The following MCF2L variants were observed in gnomAD, a reference collection of about 807,000 sequenced individuals.
MCF2L encodes MCF.2 cell line derived transforming sequence like.
In MCF2L, 97 loss-of-function variants were observed where a neutral mutation model predicts 153.4. The ratio of observed to expected loss-of-function variants is 0.63; its 90% CI spans 0.54 to 0.75. The LOEUF (loss-of-function observed/expected upper bound fraction) is 0.75. Ranked by LOEUF, MCF2L falls within the 30% of genes least tolerant of loss-of-function variation. MCF2L has a pLI of 0.00. For missense variants in MCF2L, 1,347 were observed against 1,495.2 expected (o/e 0.90, Z 1.64); for synonymous variants, 659 against 632.2 (o/e 1.04, Z -0.64).
chr13:112,988,334 T>C (rs1040516061), intron 1 of MCF2L, among the ~76,000 whole-genome samples: 2 of 152,030 alleles, frequency 1.3e-5, no homozygotes, highest in African/African-American at 4.8e-5. Context: ...TCTAAAATAG[T>C]GGAAAGGAAA....
chr13:112,991,763 G>A (rs1039392960), intron 1 of MCF2L, among the ~76,000 whole-genome samples: 1 of 152,160 alleles, frequency 6.6e-6, no homozygotes, highest in Admixed American at 6.5e-5. Context: ...TCAGAGCCAG[G>A]AGCCCTTCCC....
In MCF2L at chr13:113,098,395, T is replaced by A. The variant is rs746885333; in HGVS notation, c.*1536T>A. On this transcript the variant is annotated 3_prime_UTR_variant, in exon 30 of 30. Transcript: ENST00000535094. ...CGGTGCCTCCGTCTCGTCGCACAGC[T>A]GCGCGCCCTTGTGTGACCCTCCCCA... 1.3e-5 allele frequency: 2 copies of A among 152,538 alleles called. No homozygotes were observed. The highest frequency in any genetic ancestry group is 2.9e-5 in the Non-Finnish European group (2 of 68,050). 9.4% of individuals were successfully genotyped at this position (152,538 alleles called of 1,614,324 possible).
chr13:113,064,844 G>A lies in MCF2L; in HGVS notation c.607-92G>A. On this transcript the variant is annotated intron_variant, in intron 6 of 29. Transcript: ENST00000535094. The surrounding 1 kb of genome is among the most constrained non-coding windows in gnomAD (Gnocchi z 6.0). ...AGCCGGTCTCACCTGATGGGTCTGT[G>A]TGGGAACGGTTTCCGCCGGTGTCTG... The A allele has an allele frequency of 6.9e-7, 1 of 1,457,578 alleles. No homozygotes were observed. The highest frequency in any genetic ancestry group is 9.3e-7 in the Non-Finnish European group (1 of 1,070,308). 90.3% of individuals were successfully genotyped at this position (1,457,578 alleles called of 1,614,324 possible).
chr13:112,961,440 G>A (rs1483535405), intron 2 of MCF2L, among the ~76,000 whole-genome samples: 1 of 152,216 alleles, frequency 6.6e-6, no homozygotes, highest in Non-Finnish European at 1.5e-5. Context: ...CGTGCAGCAG[G>A]GCTGGGGGAC....
chr13:113,023,493 G>T (rs536871432), intron 2 of MCF2L, among the ~76,000 whole-genome samples: 23 of 152,268 alleles, frequency 1.5e-4, no homozygotes, highest in African/African-American at 1.9e-4. Flanking sequence ...TGTGGGGGGC[G>T]CAAGGCGGCG....
rs941090402 is a variant in MCF2L at position 112,969,756 on chromosome 13, G to T, written c.79+298G>T. On this transcript the variant is annotated intron_variant, in intron 1 of 29. Transcript: ENST00000535094. The surrounding 1 kb of genome is among the most constrained non-coding windows in gnomAD (Gnocchi z 4.8). ...AGTCTGCCCATCAACCTGCCTGTCC[G>T]CAGCCCTCGCAATGGAGAATGCATT... Among the ~76,000 whole-genome samples the T allele has an allele frequency of 1.3e-5, 2 of 152,138 alleles. No individual in the cohort carries two copies. The highest frequency in any genetic ancestry group is 2.9e-5 in the Non-Finnish European group (2 of 68,038).
intron 2 of MCF2L, among the ~76,000 whole-genome samples, chr13:113,022,799 C>G (rs191389713): frequency 1.4e-3 from 219 of 152,356 alleles, no homozygotes; most frequent in African/African-American, 4.5e-3. Context: ...GGAGGCTTGT[C>G]GTACTCGCAC....
At position 112,999,656 on chromosome 13, in the gene MCF2L, A is replaced by G. The variant is rs964853941; in HGVS notation, c.80-15107A>G. ...CTGCAGGCCTTGAGCACATTGTGGGAGAGGGGGTGTTTGGTACATGTGTCC... is the reference window on the plus strand; with the variant it reads ...CTGCAGGCCTTGAGCACATTGTGGGGGAGGGGGTGTTTGGTACATGTGTCC... On this transcript the variant is annotated intron_variant, in intron 1 of 29. Transcript: ENST00000535094. Among the ~76,000 whole-genome samples the G allele has an allele frequency of 2.6e-5, 4 of 151,850 alleles. 1 individual carries two copies. Among genetic ancestry groups the G allele is most frequent in the Non-Finnish European group, 4.4e-5 (3 of 67,992 alleles).
chr13:112,913,359 C>T (rs950614089), intron 2 of MCF2L, among the ~76,000 whole-genome samples: 13 of 151,970 alleles, frequency 8.6e-5, no homozygotes, highest in African/African-American at 2.7e-4. Context: ...AAACCCAGAA[C>T]AGAACATTAT....
chr13:113,079,877 C>T (rs1390154336), intron 15 of MCF2L, among the ~76,000 whole-genome samples: 25 of 80,640 alleles, frequency 3.1e-4, no homozygotes, highest in African/African-American at 1.1e-3. Flanking sequence ...AGAGGGGCAT[C>T]CGCACAGAGG....
chr13:112,974,850 C>T (rs1333480030), intron 1 of MCF2L, among the ~76,000 whole-genome samples: 1 of 152,226 alleles, frequency 6.6e-6, no homozygotes, highest in Non-Finnish European at 1.5e-5. Flanking sequence ...TCTACTGACT[C>T]ATAATTTAAC....
chr13:112,975,830 TG>T (rs2082195124), intron 1 of MCF2L, among the ~76,000 whole-genome samples: 1 of 152,344 alleles, frequency 6.6e-6, no homozygotes, highest in African/African-American at 2.4e-5. Context: ...GTGACATCCG[TG>T]GTCACTGTTC....
intron 1 of MCF2L, among the ~76,000 whole-genome samples, chr13:112,900,669 T>TG (rs2081111074): frequency 6.6e-6 from 1 of 151,772 alleles, no homozygotes; most frequent in African/African-American, 2.4e-5. Context: ...GCCTCTGCTG[T>TG]GAGGGGCATG....
intron 17 of MCF2L, 128 bp from the exon 18 acceptor site, chr13:113,083,870 A>G (rs895590159): frequency 2.7e-6 from 2 of 748,138 alleles, no homozygotes; most frequent in Admixed American, 1.9e-5. Context: ...CGGCGTCTCC[A>G]AGTCATGCGG....
chr13:112,901,688 T>G (rs2081121078), intron 1 of MCF2L, among the ~76,000 whole-genome samples: 1 of 152,266 alleles, frequency 6.6e-6, no homozygotes, highest in Non-Finnish European at 1.5e-5. Context: ...TTCGTGTAAG[T>G]TTCTTTGCCA....
Position 113,051,879 on chromosome 13 carries a change from G to A in MCF2L, c.369+6518G>A, listed in dbSNP as rs918098318. The stretch of plus-strand genomic sequence containing the variant: ...CAGGCCCCCACCCACCCCCACGACA[G>A]CCCGTTAATCCGAGAATCCGTGAAT... On this transcript the variant is annotated intron_variant, in intron 4 of 29. Coordinates refer to ENST00000535094, the MANE Select transcript of MCF2L (RefSeq NM_001112732.3). 5.3e-5 allele frequency among the ~76,000 whole-genome samples: 8 copies of A among 151,864 alleles called. No individual in the cohort carries two copies. The South Asian group carries it at 1.5e-3, about 28-fold the overall frequency.
At chr13:113,003,468 G>A (rs944044816) in intron 1 of MCF2L, among the ~76,000 whole-genome samples, 1 of 151,776 alleles carries the variant, frequency 6.6e-6, no homozygotes, top group African/African-American at 2.4e-5. Context: ...GGGGTTGGCT[G>A]TGGGGCACCG....
intron 2 of MCF2L, among the ~76,000 whole-genome samples, chr13:113,018,952 T>C (rs1020911113): frequency 2.6e-5 from 4 of 152,148 alleles, no homozygotes; most frequent in Admixed American, 2.0e-4. Flanking sequence ...TTTGACAGGA[T>C]TGCTCCATCC....
intron 12 of MCF2L, 98 bp downstream of exon 12, chr13:113,076,255 G>A: frequency 2.3e-6 from 2 of 865,822 alleles, no homozygotes; most frequent in Non-Finnish European, 3.3e-6. Flanking sequence ...TGAATTATTT[G>A]TATTTATTTA....
Sources: gnomAD v4.1 joint callset for allele counts (sites outside exome capture counted in the v4.1 genomes callset) on GRCh38, gnomAD v4.1.1 for gene constraint, Gnocchi (gnomAD v3.1) non-coding constraint, MANE v1.5 for transcripts, NCBI Gene and HGNC (gene_info 2026-07-23, HGNC 2026-07-21) for gene names.